The following DSCAM variants were observed in gnomAD, a reference collection of about 807,000 sequenced individuals.
The protein encoded by DSCAM is DS cell adhesion molecule.
Under a neutral mutation model 217.7 loss-of-function variants are expected in DSCAM, and 47 were observed. That is an observed-to-expected ratio of 0.22 (90% CI 0.17 to 0.28). The LOEUF (loss-of-function observed/expected upper bound fraction) is 0.28, where lower values mean the gene tolerates loss of function less well. Among genes scored for constraint, DSCAM ranks in the 10% least tolerant of loss-of-function variants. The pLI is 1.00. For missense variants in DSCAM, 2,080 were observed against 2,618.3 expected, an observed-to-expected ratio of 0.79 and a Z score of 4.49; for synonymous variants, 1,056 against 1,015.3, an observed-to-expected ratio of 1.04 and a Z score of -0.76.
At chr21:40,165,851 T>G (rs565393930) in intron 16 of DSCAM, among the ~76,000 whole-genome samples, 1 of 151,626 alleles carries the variant, frequency 6.6e-6, no homozygotes, top group Admixed American at 6.6e-5. Flanking sequence ...GTGGCGGGAA[T>G]GCGTGTGGGG....
intron 10 of DSCAM, among the ~76,000 whole-genome samples, chr21:40,282,778 TA>T (rs1245775029): frequency 1.3e-5 from 2 of 152,128 alleles, no homozygotes; most frequent in Non-Finnish European, 2.9e-5. Context: ...AAAATGCTTG[TA>T]ATTGTTGAAA....
chr21:40,043,982 G>A (rs1182969510), intron 31 of DSCAM, 96 bp downstream of exon 31: 1 of 1,275,096 alleles, frequency 7.8e-7, no homozygotes, highest in African/African-American at 1.5e-5. Context: ...GTAAGAGGGA[G>A]GAAGCCCTCT....
At chr21:40,504,931 C>T (rs542715702) in intron 3 of DSCAM, among the ~76,000 whole-genome samples, 1 of 152,228 alleles carries the variant, frequency 6.6e-6, no homozygotes, top group Non-Finnish European at 1.5e-5. Flanking sequence ...GACTGTCATA[C>T]CAGCTCTCAT....
chr21:40,565,799 A>C (rs1412026159), intron 3 of DSCAM, among the ~76,000 whole-genome samples: 2 of 152,176 alleles, frequency 1.3e-5, no homozygotes, highest in African/African-American at 4.8e-5. Context: ...TCAACTACAC[A>C]GAAGGAATCA....
intron 1 of DSCAM, among the ~76,000 whole-genome samples, chr21:40,760,095 GCAA>G (rs1481268311): frequency 6.6e-6 from 1 of 151,940 alleles, no homozygotes; most frequent in East Asian, 1.9e-4. Flanking sequence ...CCAGGTTCAA[GCAA>G]CTCTTCAGCC....
intron 3 of DSCAM, among the ~76,000 whole-genome samples, chr21:40,397,819 CCTA>C (rs1165069808): frequency 6.6e-6 from 1 of 151,964 alleles, no homozygotes; most frequent in Admixed American, 6.6e-5. Flanking sequence ...TGCTACCACC[CCTA>C]CTATCATCAC....
At chr21:40,801,637 C>T (rs1056667662) in intron 1 of DSCAM, among the ~76,000 whole-genome samples, 1 of 152,202 alleles carries the variant, frequency 6.6e-6, no homozygotes, top group Non-Finnish European at 1.5e-5. Flanking sequence ...GTTTCCTGCA[C>T]TCCAGAACGG....
At chr21:40,052,746 TCTC>T (rs547670341) in intron 29 of DSCAM, among the ~76,000 whole-genome samples, 179 of 152,302 alleles carry the variant, frequency 1.2e-3, no homozygotes, top group South Asian at 1.9e-3. Context: ...TTAACTGACT[TCTC>T]CTACATGATT....
chr21:40,114,719 A>G (rs955896941), intron 20 of DSCAM, among the ~76,000 whole-genome samples: 34 of 152,342 alleles, frequency 2.2e-4, no homozygotes, highest in South Asian at 2.1e-4. Flanking sequence ...ATTTACAAGA[A>G]AAAAACAAAC....
At chr21:40,442,406 TTTA>T in intron 3 of DSCAM, among the ~76,000 whole-genome samples, 1 of 151,664 alleles carries the variant, frequency 6.6e-6, no homozygotes, top group African/African-American at 2.4e-5. Flanking sequence ...ATTTAATTTT[TTTA>T]TATTTAAAAG....
At chr21:40,421,860 A>C (rs897371557) in intron 3 of DSCAM, among the ~76,000 whole-genome samples, 3 of 152,216 alleles carry the variant, frequency 2.0e-5, no homozygotes, top group African/African-American at 7.2e-5. Context: ...GGTGCCCTGC[A>C]GGGGAGGGTG....
intron 3 of DSCAM, among the ~76,000 whole-genome samples, chr21:40,526,716 G>A (rs2076403540): frequency 6.6e-6 from 1 of 152,054 alleles, no homozygotes; most frequent in Non-Finnish European, 1.5e-5. Context: ...TAGTTAGCTT[G>A]ATTGTGGCAC....
chr21:40,280,154 A>G (rs2073740307), intron 10 of DSCAM, among the ~76,000 whole-genome samples: 1 of 149,154 alleles, frequency 6.7e-6, no homozygotes, highest in Non-Finnish European at 1.5e-5. Flanking sequence ...CTTAATTCAT[A>G]TGAAAGTTCA....
chr21:40,733,010 T>A (rs1333043835), intron 1 of DSCAM, among the ~76,000 whole-genome samples: 1 of 152,244 alleles, frequency 6.6e-6, no homozygotes, highest in Non-Finnish European at 1.5e-5. Flanking sequence ...TCTCATCTAT[T>A]TTTTTCTTCC....
rs188317208 is a variant in DSCAM, at chr21:40,442,672, C to T, written c.509-73427G>A. Among the ~76,000 whole-genome samples, 637 of 151,882 alleles carry T rather than the reference C, an allele frequency of 4.2e-3. 6 individuals carry two copies. The highest frequency in any genetic ancestry group is 0.014 in the African/African-American group (568 of 41,446). ...ATAGCTGGGAGCACACCATCACGCT[C>T]GGCAAATTTTTGTATTTTCAGTAAA... On this transcript the variant is annotated intron_variant, in intron 3 of 32. Transcript: ENST00000400454.
intron 3 of DSCAM, among the ~76,000 whole-genome samples, chr21:40,432,546 C>T (rs753356346): frequency 6.6e-6 from 1 of 152,140 alleles, no homozygotes; most frequent in Non-Finnish European, 1.5e-5. Flanking sequence ...TCCTTTTTCC[C>T]ACGTAAAGTA....
At chr21:40,201,108 G>T (rs528968548) in intron 11 of DSCAM, among the ~76,000 whole-genome samples, 1 of 152,278 alleles carries the variant, frequency 6.6e-6, no homozygotes, top group South Asian at 2.1e-4. Flanking sequence ...CCAAGCTGGA[G>T]TGGGTCATAT....
chr21:40,467,408 T>C (rs1328344243), intron 3 of DSCAM, among the ~76,000 whole-genome samples: 3 of 152,244 alleles, frequency 2.0e-5, no homozygotes, highest in Non-Finnish European at 4.4e-5. Context: ...TACTTGTCTA[T>C]ATCTGCAGAA....
At chr21:40,732,343 T>C (rs961127880) in intron 1 of DSCAM, among the ~76,000 whole-genome samples, 4 of 152,216 alleles carry the variant, frequency 2.6e-5, no homozygotes, top group African/African-American at 4.8e-5. Flanking sequence ...CTGCCCAACA[T>C]TGAACATACT....
Sources: gnomAD v4.1 joint callset for allele counts (sites outside exome capture counted in the v4.1 genomes callset) on GRCh38, gnomAD v4.1.1 for gene constraint, MANE v1.5 for transcripts, NCBI Gene and HGNC (gene_info 2026-07-23, HGNC 2026-07-21) for gene names.